The following C1QTNF3 variants were observed in gnomAD, a reference collection of about 807,000 sequenced individuals.
C1QTNF3 encodes the protein complement C1q tumor necrosis factor-related protein 3.
A neutral mutation model predicts 32.6 loss-of-function variants in C1QTNF3; 26 were observed. The observed-to-expected ratio is 0.80, with a 90% confidence interval of 0.58 to 1.11. The LOEUF (loss-of-function observed/expected upper bound fraction) is 1.11, where lower values mean the gene tolerates loss of function less well. C1QTNF3 is among the 50% of genes least tolerant of loss of function. C1QTNF3 has a pLI of 0.00. For missense variants in C1QTNF3, 362 were observed against 398.2 expected, an observed-to-expected ratio of 0.91 and a Z score of 0.77; for synonymous variants, 155 against 146.0, an observed-to-expected ratio of 1.06 and a Z score of -0.44.
At chr5:34,092,645 T>A in the C1QTNF3 span, among the ~76,000 whole-genome samples, 1 of 151,388 alleles carries the variant, frequency 6.6e-6, no homozygotes, top group African/African-American at 2.5e-5. Flanking sequence ...TTATGATGAC[T>A]ACTGGGTTTT....
the C1QTNF3 span, among the ~76,000 whole-genome samples, chr5:34,074,320 A>C: frequency 2.6e-5 from 4 of 151,912 alleles, no homozygotes; most frequent in Admixed American, 1.3e-4. Context: ...ACATCAGACA[A>C]GGCCATTGTG....
the C1QTNF3 span, among the ~76,000 whole-genome samples, chr5:34,162,596 C>A: frequency 2.6e-5 from 4 of 151,892 alleles, no homozygotes; most frequent in African/African-American, 4.8e-5. Flanking sequence ...ATCTTGAATT[C>A]CTCTATTGTT....
At chr5:34,204,134 A>G in the C1QTNF3 span, among the ~76,000 whole-genome samples, 1 of 152,200 alleles carries the variant, frequency 6.6e-6, no homozygotes, top group South Asian at 2.1e-4. Flanking sequence ...AAACAAATAA[A>G]CATAAGACTT....
intron 2 of C1QTNF3, among the ~76,000 whole-genome samples, chr5:34,034,596 A>T (rs193027783): frequency 5.9e-5 from 9 of 152,288 alleles, no homozygotes; most frequent in African/African-American, 2.2e-4. Flanking sequence ...CAGGCTTACA[A>T]CCCTACCAAA....
At chr5:34,197,600 C>T in the C1QTNF3 span, among the ~76,000 whole-genome samples, 1 of 151,944 alleles carries the variant, frequency 6.6e-6, no homozygotes, top group African/African-American at 2.4e-5. Flanking sequence ...TTATAGAAGT[C>T]AGGGAAATGA....
the C1QTNF3 span, among the ~76,000 whole-genome samples, chr5:34,110,552 T>C: frequency 1.3e-5 from 2 of 151,162 alleles, no homozygotes; most frequent in East Asian, 1.9e-4. Context: ...TATATATTAC[T>C]TAAAATTACA....
the C1QTNF3 span, among the ~76,000 whole-genome samples, chr5:34,212,527 G>A: frequency 6.6e-6 from 1 of 151,726 alleles, no homozygotes; most frequent in African/African-American, 2.4e-5. Context: ...CTAATATCCA[G>A]AATCTACAAT....
chr5:34,040,945 G>A (rs533456458), intron 1 of C1QTNF3, among the ~76,000 whole-genome samples: 38 of 152,012 alleles, frequency 2.5e-4, no homozygotes, highest in African/African-American at 8.7e-4. Flanking sequence ...TTTAACACAT[G>A]GCATTTAATT....
At chr5:34,129,853 A>C in the C1QTNF3 span, among the ~76,000 whole-genome samples, 2 of 151,906 alleles carry the variant, frequency 1.3e-5, no homozygotes, top group African/African-American at 2.4e-5. Flanking sequence ...AGTCCAATCA[A>C]TTATTTTCTT....
chr5:34,059,310 CT>C, the C1QTNF3 span, among the ~76,000 whole-genome samples: 93 of 152,134 alleles, frequency 6.1e-4, no homozygotes, highest in Middle Eastern at 3.2e-3. Context: ...TCTTTTAAGG[CT>C]ACCAGTTGGA....
the C1QTNF3 span, among the ~76,000 whole-genome samples, chr5:34,141,071 T>C: frequency 2.6e-5 from 4 of 152,142 alleles, no homozygotes; most frequent in South Asian, 8.3e-4. Context: ...TATTGTCTTT[T>C]AGTTCTAGAG....
the C1QTNF3 span, among the ~76,000 whole-genome samples, chr5:34,195,537 G>C: frequency 6.6e-6 from 1 of 152,006 alleles, no homozygotes; most frequent in South Asian, 2.1e-4. Context: ...GCATGTTTGT[G>C]TTCCCTCAAA....
the C1QTNF3 span, among the ~76,000 whole-genome samples, chr5:34,058,999 T>C: frequency 6.6e-6 from 1 of 152,140 alleles, no homozygotes; most frequent in African/African-American, 2.4e-5. Flanking sequence ...TAAAAAGTTA[T>C]GGTGAAGGTT....
chr5:34,160,317 C>T, the C1QTNF3 span, among the ~76,000 whole-genome samples: 2 of 152,164 alleles, frequency 1.3e-5, no homozygotes, highest in African/African-American at 4.8e-5. Context: ...TAGTTTATTT[C>T]CACAAGGCCT....
the C1QTNF3 span, among the ~76,000 whole-genome samples, chr5:34,078,167 C>T: frequency 6.6e-6 from 1 of 151,652 alleles, no homozygotes; most frequent in South Asian, 2.1e-4. The surrounding 1 kb of genome is among the most constrained non-coding windows in gnomAD (Gnocchi z 4.0). Flanking sequence ...ACCCCATCCC[C>T]TGCCATTTTA....
the C1QTNF3 span, among the ~76,000 whole-genome samples, chr5:34,126,991 C>T: frequency 2.0e-4 from 31 of 152,224 alleles, no homozygotes; most frequent in African/African-American, 7.5e-4. Context: ...GTGGCACTTC[C>T]CGTTTTGTGC....
chr5:34,048,890 A>G, the C1QTNF3 span, among the ~76,000 whole-genome samples: 1 of 152,222 alleles, frequency 6.6e-6, no homozygotes, highest in Admixed American at 6.5e-5. Context: ...CTCCTGCCAC[A>G]AGGAACAGAC....
chr5:34,224,549 G>A, the C1QTNF3 span, among the ~76,000 whole-genome samples: 4 of 152,070 alleles, frequency 2.6e-5, no homozygotes, highest in African/African-American at 4.8e-5. Context: ...TAAGCAATGG[G>A]GAAAGGATTC....
chr5:34,126,225 T>A, the C1QTNF3 span, among the ~76,000 whole-genome samples: 1 of 152,072 alleles, frequency 6.6e-6, no homozygotes, highest in Non-Finnish European at 1.5e-5. Flanking sequence ...AATATTTACC[T>A]CCATTATGCA....
Sources: gnomAD v4.1 joint callset for allele counts (sites outside exome capture counted in the v4.1 genomes callset) on GRCh38, gnomAD v4.1.1 for gene constraint, Gnocchi (gnomAD v3.1) non-coding constraint, MANE v1.5 for transcripts, NCBI Gene and HGNC (gene_info 2026-07-23, HGNC 2026-07-21) for gene names.